PRH1: variants seen among roughly 807,000 people sequenced by gnomAD.
The protein encoded by PRH1 is proline rich protein HaeIII subfamily 1.
PRH1 carries 7 observed loss-of-function variants against 7.9 expected under a neutral mutation model. The ratio of observed to expected loss-of-function variants is 0.89; its 90% confidence interval spans 0.50 to 1.67. PRH1 has a LOEUF of 1.67. Ranked by LOEUF, PRH1 falls within the 40% of genes most tolerant of loss-of-function variation. The pLI is 0.00. For synonymous variants in PRH1, 45 were observed against 80.8 expected (o/e 0.56, Z 2.38); for missense variants, 109 against 223.6 (o/e 0.49, Z 3.27).
chr12:11,146,294 T>C (rs920898084), intron 1 of PRH1, among the ~76,000 whole-genome samples: 5 of 152,062 alleles, frequency 3.3e-5, no homozygotes, highest in Non-Finnish European at 5.9e-5. Flanking sequence ...TCTAAAGTGT[T>C]TCCCAGGCCC....
chr12:10,965,371 A>G, intron 2 of PRH1: 1 of 1,060,226 alleles, frequency 9.4e-7, no homozygotes, highest in South Asian at 1.4e-5. Context: ...AGACAAAAAG[A>G]TAGAATAAAT....
In PRH1 at chr12:11,092,211, T is replaced by C. The variant is rs1228874934; in HGVS notation, n.124-45023A>G. On this transcript the variant is annotated intron_variant and non_coding_transcript_variant, in intron 1 of 4. Coordinates refer to the PRH1 transcript ENST00000541977. Reference sequence around the variant, plus strand: ...ACCACTACCAGACTGGAAAAAATGATGGGTAGAAAAGTTATCATGTCTGAA... The same window carrying C: ...ACCACTACCAGACTGGAAAAAATGACGGGTAGAAAAGTTATCATGTCTGAA... The C allele has an allele frequency of 1.8e-5, 23 of 1,298,644 alleles. 4 individuals carry two copies. Among genetic ancestry groups the C allele is most frequent in the Non-Finnish European group, 2.4e-5 (22 of 914,592 alleles). 80.4% of individuals were successfully genotyped at this position (1,298,644 alleles called of 1,614,324 possible).
chr12:11,041,288 C>CAAAAAAAA (rs67144212), intron 1 of PRH1, among the ~76,000 whole-genome samples: 7 of 81,370 alleles, frequency 8.6e-5, no homozygotes, highest in South Asian at 4.9e-4. Flanking sequence ...CAATGCAAAC[C>CAAAAAAAA]AAAAAAAAAA....
chr12:11,118,951 C>A (rs939611370), downstream of PRH1, among the ~76,000 whole-genome samples: 1 of 130,150 alleles, frequency 7.7e-6, no homozygotes, highest in African/African-American at 2.9e-5. Context: ...GCCGAGATTG[C>A]GCCACTGCAC....
At position 10,938,109 on chromosome 12, in the gene PRH1, T is replaced by C. The variant is rs1039875520; in HGVS notation, c.-59+35546A>G. The C allele has an allele frequency of 8.5e-6, 5 of 591,598 alleles. No individual in the cohort carries two copies. The African/African-American group carries it at 9.3e-5, about 11-fold the overall frequency. The allele number at this position is 591,598 out of a possible 1,614,324, so 36.6% of individuals were successfully genotyped here. The stretch of plus-strand genomic sequence containing the variant: ...GTAATATACATACTTTCATATATCC[T>C]AATTTGTGATATGTTTGGATGGTGT... On this transcript the variant is annotated intron_variant, in intron 2 of 3. Transcript: ENST00000539853.
intron 2 of PRH1, among the ~76,000 whole-genome samples, chr12:10,921,787 A>T (rs977722466): frequency 6.6e-6 from 1 of 152,146 alleles, no homozygotes; most frequent in Non-Finnish European, 1.5e-5. Context: ...AGTTTTTGAG[A>T]CAAGGTCTCA....
At chr12:11,010,333 A>T (rs1242639546) in intron 1 of PRH1, among the ~76,000 whole-genome samples, 1 of 151,948 alleles carries the variant, frequency 6.6e-6, no homozygotes, top group Non-Finnish European at 1.5e-5. Flanking sequence ...GCTAAAAGGG[A>T]CTATTTTATT....
At chr12:11,037,551 T>C (rs1466288157) in intron 1 of PRH1, among the ~76,000 whole-genome samples, 1 of 152,260 alleles carries the variant, frequency 6.6e-6, no homozygotes, top group Non-Finnish European at 1.5e-5. Flanking sequence ...TTTAATTTAA[T>C]ATCCATCGTA....
chr12:10,957,149 T>C (rs955122942), intron 2 of PRH1, among the ~76,000 whole-genome samples: 2 of 148,988 alleles, frequency 1.3e-5, no homozygotes, highest in African/African-American at 4.9e-5. Flanking sequence ...AAGTATAACA[T>C]TACCTGACTG....
chr12:10,967,040 C>A (rs189447875), intron 2 of PRH1, among the ~76,000 whole-genome samples: 1 of 150,406 alleles, frequency 6.6e-6, no homozygotes, highest in Admixed American at 6.6e-5. Context: ...GTGTGAACCC[C>A]GGAGGCGGAG....
At chr12:10,916,191 C>G (rs755285468) in intron 2 of PRH1, among the ~76,000 whole-genome samples, 1 of 152,138 alleles carries the variant, frequency 6.6e-6, no homozygotes, top group African/African-American at 2.4e-5. Flanking sequence ...ATGAGAATTA[C>G]TTATTCATTA....
intron 2 of PRH1, among the ~76,000 whole-genome samples, chr12:10,970,850 G>A (rs746328232): frequency 1.2e-4 from 19 of 152,160 alleles, no homozygotes; most frequent in Non-Finnish European, 2.2e-4. Flanking sequence ...ACAGGCGTGA[G>A]CCACTTTGCC....
At position 11,062,429 on chromosome 12, in the gene PRH1, G is replaced by T. The variant is rs571038261; in HGVS notation, n.124-15241C>A. 586 of 1,215,014 alleles carry T rather than the reference G, an allele frequency of 4.8e-4. 3 individuals are homozygous for T. Among genetic ancestry groups the T allele is most frequent in the Admixed American group, 1.2e-3 (39 of 33,738 alleles). 75.3% of individuals were successfully genotyped at this position (1,215,014 alleles called of 1,614,324 possible). A position where few individuals can be genotyped will look rare whatever the true frequency, so the allele number is the denominator to read the frequency against. ...TGTGACATTCTTTTTACTTTTAATT[G>T]CTGTGACCAGTGTCAAGCCAGAAAT... On this transcript the variant is annotated intron_variant and non_coding_transcript_variant, in intron 1 of 4. Transcript: ENST00000541977.
intron 2 of PRH1, among the ~76,000 whole-genome samples, chr12:10,900,064 A>G (rs1029060510): frequency 1.3e-5 from 2 of 152,192 alleles, no homozygotes; most frequent in African/African-American, 4.8e-5. Context: ...TTATTTCAAG[A>G]AGGAAAGTGG....
chr12:11,142,846 T>C (rs1163357554), intron 1 of PRH1, among the ~76,000 whole-genome samples: 1 of 152,156 alleles, frequency 6.6e-6, no homozygotes, highest in African/African-American at 2.4e-5. Context: ...ATAGTGTTAC[T>C]GGAGAAAATA....
At chr12:11,114,086 A>G (rs567813203) in intron 1 of PRH1, among the ~76,000 whole-genome samples, 1 of 152,318 alleles carries the variant, frequency 6.6e-6, no homozygotes, top group South Asian at 2.1e-4. Context: ...CCATTGGGGA[A>G]AACAGTGTGG....
At chr12:10,968,128 T>C (rs1938597815) in intron 2 of PRH1, among the ~76,000 whole-genome samples, 1 of 152,118 alleles carries the variant, frequency 6.6e-6, no homozygotes, top group Admixed American at 6.5e-5. Context: ...AAATAATAGA[T>C]TGATCATGAA....
chr12:11,158,911 C>A (rs951629405), intron 1 of PRH1: 44 of 152,168 alleles, frequency 2.9e-4, no homozygotes, highest in African/African-American at 9.4e-4. Flanking sequence ...GTAAAATCAT[C>A]ATAATAAACG....
At chr12:11,022,649 A>C in intron 1 of PRH1, 1 of 1,030,064 alleles carries the variant, frequency 9.7e-7, no homozygotes, top group Non-Finnish European at 1.4e-6. Flanking sequence ...ACTTCGATGA[A>C]CACTTGATTA....
Sources: allele counts gnomAD v4.1 joint callset (sites outside exome capture counted in the v4.1 genomes callset), GRCh38; gene constraint gnomAD v4.1.1; transcripts MANE v1.5; gene names NCBI Gene and HGNC (gene_info 2026-07-23, HGNC 2026-07-21).